CPSF6: variants seen among roughly 807,000 people sequenced by gnomAD.
The protein encoded by CPSF6 is cleavage and polyadenylation specificity factor subunit 6.
Under a neutral mutation model 56.7 loss-of-function variants are expected in CPSF6, and 10 were observed. The observed-to-expected ratio is 0.18, with a 90% CI of 0.11 to 0.30. The LOEUF (loss-of-function observed/expected upper bound fraction) is 0.30. CPSF6 is among the 10% of genes least tolerant of loss of function. CPSF6 has a pLI of 1.00. For missense variants in CPSF6, 419 were observed against 722.9 expected (o/e 0.58, Z 4.82); for synonymous variants, 248 against 244.8 (o/e 1.01, Z -0.12).
rs1477353328 is a variant in CPSF6 at position 69,258,425 on chromosome 12, A to G, written c.695-165A>G. On this transcript the variant is annotated intron_variant, in intron 5 of 9. Coordinates refer to ENST00000435070, the MANE Select transcript of CPSF6 (RefSeq NM_007007.3). The surrounding 1 kb of genome is among the most constrained non-coding windows in gnomAD (Gnocchi z 4.2). Reference sequence around the variant, plus strand: ...TTGAGCTAGTTAAATTTGTAAGGATATACTTCATTGTAGTTGGTAGTGTAA... The same window carrying G: ...TTGAGCTAGTTAAATTTGTAAGGATGTACTTCATTGTAGTTGGTAGTGTAA... 4.6e-5 allele frequency among the ~76,000 whole-genome samples: 7 copies of G among 152,240 alleles called. No homozygotes were observed. The highest frequency in any genetic ancestry group is 8.8e-5 in the Non-Finnish European group (6 of 68,046).
intron 1 of CPSF6, among the ~76,000 whole-genome samples, chr12:69,245,483 T>G (rs1400228550): frequency 6.6e-6 from 1 of 152,208 alleles, no homozygotes; most frequent in African/African-American, 2.4e-5. Context: ...TTCCGTGGCT[T>G]TAGGCATCCA....
At chr12:69,240,460 G>C (rs1251760725) in intron 1 of CPSF6, among the ~76,000 whole-genome samples, 1 of 152,208 alleles carries the variant, frequency 6.6e-6, no homozygotes, top group Non-Finnish European at 1.5e-5. Context: ...TTGAAGCCCA[G>C]TCGTTGTTGG....
At chr12:69,255,580 C>T (rs1872468967) in intron 3 of CPSF6, among the ~76,000 whole-genome samples, 1 of 152,196 alleles carries the variant, frequency 6.6e-6, no homozygotes, top group Non-Finnish European at 1.5e-5. Flanking sequence ...CTCACTCTGT[C>T]ACCCAGGCTG....
chr12:69,247,990 T>C (rs763017540), intron 1 of CPSF6, among the ~76,000 whole-genome samples: 9 of 152,316 alleles, frequency 5.9e-5, no homozygotes, highest in Non-Finnish European at 8.8e-5. Context: ...CCCAGGACCA[T>C]GGTCTTAATT....
rs1392999771 is a variant in CPSF6 at position 69,271,477 on chromosome 12, A to AC, written c.*1970dup. 1 of 151,806 alleles carries AC rather than the reference A, an allele frequency of 6.6e-6. No individual in the cohort carries two copies. Among genetic ancestry groups the AC allele is most frequent in the African/African-American group, 2.4e-5 (1 of 41,410 alleles). 9.4% of individuals were successfully genotyped at this position (151,806 alleles called of 1,614,324 possible). A position where few individuals can be genotyped will look rare whatever the true frequency, so the allele number is the denominator to read the frequency against. On this transcript the variant is annotated 3_prime_UTR_variant, in exon 10 of 10. Transcript: ENST00000435070. ...AATGGAATCACAAAAATCTAACTGC[A>AC]CTTGAAATGAAACTGGAAATTTTAT...
chr12:69,258,194 A>G lies in CPSF6; in HGVS notation c.694+289A>G, dbSNP rs778869413. ...CTTGACTTATATATAGAATATTTAC[A>G]TCCGTCTTACTTTCTTACCTCTTAA... On this transcript the variant is annotated intron_variant, in intron 5 of 9. Transcript: ENST00000435070. The surrounding 1 kb of genome is among the most constrained non-coding windows in gnomAD (Gnocchi z 4.2). 5 of 1,028,932 alleles carry G rather than the reference A, an allele frequency of 4.9e-6. No individual in the cohort carries two copies. In the South Asian group the frequency reaches 5.8e-5, roughly 12 times the overall value. The allele number at this position is 1,028,932 out of a possible 1,614,324, so 63.7% of individuals were successfully genotyped here.
intron 1 of CPSF6, among the ~76,000 whole-genome samples, chr12:69,242,831 G>T (rs558276721): frequency 6.6e-6 from 1 of 152,104 alleles, no homozygotes; most frequent in African/African-American, 2.4e-5. Context: ...TGTTTAGCGC[G>T]AGTGTGGTGG....
Position 69,258,757 on chromosome 12 carries a change from C to A in CPSF6, c.862C>A (p.Pro288Thr). The change falls in exon 6 of 10, where the codon CCA becomes ACA. Residue 288 changes from proline (P) to threonine (T), a missense_variant. Pro to Thr is a conservative substitution (Grantham distance 38). This residue lies in a region of CPSF6 where 211 missense variants were observed against 296.0 expected (regional missense o/e 0.71). Transcript: ENST00000435070. This position sits in a 1 kb window ranked among gnomAD's most constrained non-coding sequence, Gnocchi z 4.2. ...LFPGQPFGQP[P>T]LGPLPPGPPP... is the part of the protein sequence containing the mutation. ...TCCTGGACAACCTTTTGGGCAGCCT[C>A]CATTGGGTCCACTTCCTCCTGGCCC... is the stretch of plus-strand genomic sequence containing the variant. 6.2e-7 allele frequency: 1 copy of A among 1,614,060 alleles called. No homozygotes were observed. Among genetic ancestry groups the A allele is most frequent in the Non-Finnish European group, 8.5e-7 (1 of 1,180,000 alleles).
intron 1 of CPSF6, among the ~76,000 whole-genome samples, chr12:69,244,106 C>T (rs771632435): frequency 4.9e-4 from 74 of 152,204 alleles, no homozygotes; most frequent in Admixed American, 1.4e-3. Context: ...AGGCGTGAGC[C>T]ACTGTGACTG....
At chr12:69,255,757 T>C (rs1008328503) in intron 3 of CPSF6, among the ~76,000 whole-genome samples, 1 of 152,166 alleles carries the variant, frequency 6.6e-6, no homozygotes, top group Non-Finnish European at 1.5e-5. Flanking sequence ...CAGGCTGGTC[T>C]TGAACTCCTG....
At position 69,271,739 on chromosome 12, in the gene CPSF6, T is replaced by C. The variant is rs562275342; in HGVS notation, c.*2231T>C. 6 of 151,902 alleles carry C rather than the reference T, an allele frequency of 3.9e-5. No homozygotes were observed. Among genetic ancestry groups the C allele is most frequent in the African/African-American group, 1.4e-4 (6 of 41,542 alleles). 9.4% of individuals were successfully genotyped at this position (151,902 alleles called of 1,614,324 possible). Reference sequence around the variant, plus strand: ...AAGTCCTTCTCTACCTGATAACACGTGAATGTATAGCAGTAAAGGTGAAAA... The same window carrying C: ...AAGTCCTTCTCTACCTGATAACACGCGAATGTATAGCAGTAAAGGTGAAAA... On this transcript the variant is annotated 3_prime_UTR_variant, in exon 10 of 10. Transcript: ENST00000435070.
rs1314836649 is a variant in CPSF6, at chr12:69,246,061, T to TGAGTGACA, written c.61-5065_61-5058dup. 3.3e-5 allele frequency among the ~76,000 whole-genome samples: 5 copies of TGAGTGACA among 152,326 alleles called. No individual in the cohort carries two copies. In the East Asian group the frequency reaches 9.7e-4, roughly 29 times the overall value. On this transcript the variant is annotated intron_variant, in intron 1 of 9. Coordinates refer to ENST00000435070, the MANE Select transcript of CPSF6 (RefSeq NM_007007.3). ...GAGATCAGGCCACTGTACTCCAGCC[T>TGAGTGACA]GAGTGACAGAACGAGACTTTGTCAC...
At chr12:69,240,289 G>C (rs372838767) in intron 1 of CPSF6, among the ~76,000 whole-genome samples, 1 of 152,176 alleles carries the variant, frequency 6.6e-6, no homozygotes, top group Non-Finnish European at 1.5e-5. Flanking sequence ...TCTCCTTCTC[G>C]GGTTTGCGAC....
intron 1 of CPSF6, among the ~76,000 whole-genome samples, chr12:69,248,968 C>A (rs544450198): frequency 6.6e-6 from 1 of 151,690 alleles, no homozygotes; most frequent in African/African-American, 2.4e-5. Context: ...TATTCTCGGC[C>A]GGGTGTGGTG....
At chr12:69,245,514 C>T (rs1421149633) in intron 1 of CPSF6, among the ~76,000 whole-genome samples, 4 of 152,146 alleles carry the variant, frequency 2.6e-5, no homozygotes, top group Non-Finnish European at 5.9e-5. Flanking sequence ...TGGAACATAT[C>T]CCTCTCAGAT....
At chr12:69,261,435 C>T (rs887180810) in intron 8 of CPSF6, among the ~76,000 whole-genome samples, 9 of 150,418 alleles carry the variant, frequency 6.0e-5, no homozygotes, top group African/African-American at 2.0e-4. Flanking sequence ...CCTGGTGGTG[C>T]ATGCCTATAG....
Position 69,239,607 on chromosome 12 carries a change from A to T in CPSF6, c.-40A>T. 2 of 1,537,264 alleles carry T rather than the reference A, an allele frequency of 1.3e-6. No homozygotes were observed. Among genetic ancestry groups the T allele is most frequent in the East Asian group, 2.7e-5 (1 of 36,858 alleles). On this transcript the variant is annotated 5_prime_UTR_variant, in exon 1 of 10. Coordinates refer to ENST00000435070, the MANE Select transcript of CPSF6 (RefSeq NM_007007.3). ...CTGCTGCCGCGGCGGGCAGACCTGC[A>T]GGAGGCGGCGGCGGCGGCGGCGGCC...
rs1872624054 is a variant in CPSF6 at position 69,258,865 on chromosome 12, C to G, written c.970C>G (p.Pro324Ala). The change falls in exon 6 of 10, where the codon CCA (proline) becomes GCA (alanine). Residue 324 changes from proline to alanine, a missense_variant. By Grantham distance (27) the Pro-to-Ala change is conservative. Around this residue, in one of 4 missense-constraint regions of CPSF6, gnomAD observed 211 missense variants for 296.0 expected, o/e 0.71. Transcript: ENST00000435070. This position sits in a 1 kb window ranked among gnomAD's most constrained non-coding sequence, Gnocchi z 4.2. ...ACCACCTCCACCTCCAGGCCCCTTT[C>G]CACCTCGTCCACCCGGTCCACTTGG... ...QGPPPPPGPF[P>A]PRPPGPLGPP... The G allele has an allele frequency of 1.2e-6, 2 of 1,614,188 alleles. No individual in the cohort carries two copies. The highest frequency in any genetic ancestry group is 1.7e-6 in the Non-Finnish European group (2 of 1,180,030).
intron 8 of CPSF6, among the ~76,000 whole-genome samples, chr12:69,260,755 A>C (rs371735345): frequency 6.6e-6 from 1 of 152,278 alleles, no homozygotes; most frequent in Admixed American, 6.5e-5. Flanking sequence ...GAATGATGGC[A>C]GGGGATTTAT....
Sources: gnomAD v4.1 joint callset for allele counts (sites outside exome capture counted in the v4.1 genomes callset) on GRCh38, gnomAD v4.1.1 for gene constraint, gnomAD v4.1.1 regional missense constraint, Gnocchi (gnomAD v3.1) non-coding constraint, MANE v1.5 for transcripts, NCBI Gene and HGNC (gene_info 2026-07-23, HGNC 2026-07-21) for gene names.